The following FAM81A variants were observed in gnomAD, a reference collection of about 807,000 sequenced individuals.
The protein encoded by FAM81A is protein FAM81A.
FAM81A carries 19 observed loss-of-function variants against 46.7 expected under a neutral mutation model. The ratio of observed to expected loss-of-function variants is 0.41; its 90% CI spans 0.28 to 0.60. FAM81A has a LOEUF of 0.60. Ranked by LOEUF, FAM81A falls within the 20% of genes least tolerant of loss-of-function variation. The pLI is 0.34. For synonymous variants in FAM81A, 183 were observed against 152.9 expected, an observed-to-expected ratio of 1.20 and a Z score of -1.45; for missense variants, 377 against 453.5, an observed-to-expected ratio of 0.83 and a Z score of 1.53.
At chr15:59,461,843 AT>A (rs2081555064) in intron 3 of FAM81A, among the ~76,000 whole-genome samples, 1 of 151,986 alleles carries the variant, frequency 6.6e-6, no homozygotes, top group Admixed American at 6.6e-5. Flanking sequence ...ATATGTCTTT[AT>A]TTCTCTTGGG....
intron 4 of FAM81A, among the ~76,000 whole-genome samples, chr15:59,493,345 G>C (rs935881609): frequency 1.3e-5 from 2 of 152,156 alleles, no homozygotes; most frequent in Admixed American, 1.3e-4. Context: ...TGCATGGATT[G>C]GATGGGGAAC....
At chr15:59,469,622 A>G (rs1216127703) in intron 3 of FAM81A, among the ~76,000 whole-genome samples, 14 of 150,876 alleles carry the variant, frequency 9.3e-5, no homozygotes, top group African/African-American at 3.4e-4. Flanking sequence ...TGCACATGAG[A>G]TGGGTCTCCT....
At position 59,521,168 on chromosome 15, in the gene FAM81A, G is replaced by T. The variant is rs1051328854; in HGVS notation, c.983-86G>T. ...TAGCATCTATTAATAATTTTTGCCT[G>T]AATCAACCATTACTAGATACTATAG... On this transcript the variant is annotated intron_variant, in intron 8 of 8. Coordinates refer to ENST00000288228, the MANE Select transcript of FAM81A (RefSeq NM_152450.3). 5.3e-5 allele frequency: 76 copies of T among 1,429,522 alleles called. 1 individual carries two copies. Among genetic ancestry groups the T allele is most frequent in the Middle Eastern group, 3.7e-4 (2 of 5,376 alleles). 88.6% of individuals were successfully genotyped at this position (1,429,522 alleles called of 1,614,324 possible). A position where few individuals can be genotyped will look rare whatever the true frequency, so the allele number is the denominator to read the frequency against.
chr15:59,435,394 C>T (rs1485661761), upstream of FAM81A, among the ~76,000 whole-genome samples: 10 of 152,114 alleles, frequency 6.6e-5, no homozygotes, highest in East Asian at 1.7e-3. Context: ...CCGAGGCCGG[C>T]GGATCACCTG....
At chr15:59,510,731 T>C (rs193048371) in intron 6 of FAM81A, among the ~76,000 whole-genome samples, 32 of 132,162 alleles carry the variant, frequency 2.4e-4, no homozygotes, top group Admixed American at 2.3e-3. Context: ...TGAGCTATGA[T>C]TGAGCCACTG....
chr15:59,454,485 C>T (rs1283687342), intron 1 of FAM81A, among the ~76,000 whole-genome samples: 4 of 152,126 alleles, frequency 2.6e-5, no homozygotes, highest in Admixed American at 2.0e-4. Flanking sequence ...TGTATATCTA[C>T]TTCCTTTTTT....
intron 1 of FAM81A, among the ~76,000 whole-genome samples, chr15:59,457,914 T>C (rs2081504180): frequency 6.6e-6 from 1 of 152,194 alleles, no homozygotes; most frequent in African/African-American, 2.4e-5. Flanking sequence ...GTTTTTCACA[T>C]TTCTAATGAG....
intron 7 of FAM81A, among the ~76,000 whole-genome samples, chr15:59,516,126 G>GT (rs540042022): frequency 0.024 from 3,272 of 136,514 alleles, 95 homozygotes; most frequent in African/African-American, 0.067. Flanking sequence ...GAATGTAGTG[G>GT]TTTTTTTTTT....
At chr15:59,489,984 C>T (rs2141748763) in intron 3 of FAM81A, among the ~76,000 whole-genome samples, 1 of 151,918 alleles carries the variant, frequency 6.6e-6, no homozygotes, top group Admixed American at 6.6e-5. Context: ...ATCTGTACAA[C>T]AACACATTAA....
Position 59,507,339 on chromosome 15 carries a change from A to T in FAM81A, c.540A>T (p.Gly180=), listed in dbSNP as rs1473684143. ...ILETKIKDAE[G]QISQLLNRVD... is the part of the protein sequence containing the mutation. The stretch of plus-strand genomic sequence containing the variant: ...AAACGAAAATCAAAGATGCAGAGGG[A>T]CAGGTACGACCTGTTTCAGGTAGCT... Residue 180 remains glycine (G), a synonymous_variant, in exon 5 of 9, where the codon GGA becomes GGT. Transcript: ENST00000288228. 6.2e-7 allele frequency: 1 copy of T among 1,611,808 alleles called. No individual in the cohort carries two copies. The highest frequency in any genetic ancestry group is 8.5e-7 in the Non-Finnish European group (1 of 1,178,880).
At chr15:59,483,124 G>T (rs1055544444) in intron 3 of FAM81A, among the ~76,000 whole-genome samples, 5 of 151,776 alleles carry the variant, frequency 3.3e-5, no homozygotes, top group Non-Finnish European at 5.9e-5. Flanking sequence ...TGCAACCTCT[G>T]CCTCCTGGGT....
At chr15:59,468,687 G>C (rs2081646747) in intron 3 of FAM81A, among the ~76,000 whole-genome samples, 1 of 146,196 alleles carries the variant, frequency 6.8e-6, no homozygotes, top group South Asian at 2.1e-4. Context: ...TGATTTTTTT[G>C]AAGGGTTTTT....
At chr15:59,425,403 G>T (rs1160850182) in intron 2 of FAM81A, among the ~76,000 whole-genome samples, 1 of 152,106 alleles carries the variant, frequency 6.6e-6, no homozygotes, top group African/African-American at 2.4e-5. Flanking sequence ...TATGTGTTCA[G>T]CAGATAATTA....
At chr15:59,500,291 C>G (rs2082077752) in intron 4 of FAM81A, among the ~76,000 whole-genome samples, 1 of 151,952 alleles carries the variant, frequency 6.6e-6, no homozygotes, top group African/African-American at 2.4e-5. Context: ...ATGCTCTTTT[C>G]TCTTCTCTTT....
chr15:59,516,766 T>A lies in FAM81A; in HGVS notation c.908T>A (p.Met303Lys). The A allele has an allele frequency of 6.2e-7, 1 of 1,613,222 alleles. No individual in the cohort carries two copies. Among genetic ancestry groups the A allele is most frequent in the African/African-American group, 1.3e-5 (1 of 74,984 alleles). ...GQRTRQEEEK[M>K]HGRITKLELQ... ...AGAACAAGGCAAGAAGAGGAGAAGA[T>A]GCACGGGCGAATCACCAAGCTGGAG... is the stretch of plus-strand genomic sequence containing the variant. Residue 303 changes from methionine (M) to lysine (K), a missense_variant, in exon 8 of 9, where the codon ATG (methionine) becomes AAG (lysine). Transcript: ENST00000288228.
chr15:59,504,741 G>T (rs1432475202), intron 4 of FAM81A, among the ~76,000 whole-genome samples: 1 of 152,056 alleles, frequency 6.6e-6, no homozygotes, highest in Non-Finnish European at 1.5e-5. Context: ...TGGATGATAG[G>T]TTATTTACCC....
At chr15:59,416,615 C>T (rs2081147839) in intron 2 of FAM81A, among the ~76,000 whole-genome samples, 1 of 152,144 alleles carries the variant, frequency 6.6e-6, no homozygotes, top group African/African-American at 2.4e-5. Context: ...CTGCTACAAT[C>T]CCTCCTAAGA....
At position 59,444,522 on chromosome 15, in the gene FAM81A, A is replaced by G. The variant is rs1405877305; in HGVS notation, c.-78+6240A>G. On this transcript the variant is annotated intron_variant, in intron 1 of 8. Coordinates refer to ENST00000288228, the MANE Select transcript of FAM81A (RefSeq NM_152450.3). ...TTAAAAATGGCCCATCTAGTTCTTCACACGCCAAATGAGCAGCTGAATGTG... is the reference window on the plus strand; with the variant it reads ...TTAAAAATGGCCCATCTAGTTCTTCGCACGCCAAATGAGCAGCTGAATGTG... Among the ~76,000 whole-genome samples, 3 of 152,220 alleles carry G rather than the reference A, an allele frequency of 2.0e-5. No individual in the cohort carries two copies. In the East Asian group the frequency reaches 5.8e-4, roughly 29 times the overall value.
chr15:59,495,823 A>G (rs1404425977), intron 4 of FAM81A, among the ~76,000 whole-genome samples: 2 of 152,198 alleles, frequency 1.3e-5, no homozygotes, highest in Non-Finnish European at 2.9e-5. Context: ...TTCTTTAGGA[A>G]AATATTTATT....
Sources: gnomAD v4.1 joint callset for allele counts (sites outside exome capture counted in the v4.1 genomes callset) on GRCh38, gnomAD v4.1.1 for gene constraint, MANE v1.5 for transcripts, NCBI Gene and HGNC (gene_info 2026-07-23, HGNC 2026-07-21) for gene names.